BOC: variants seen among roughly 807,000 people sequenced by gnomAD.
The protein encoded by BOC is BOC cell adhesion associated, oncogene regulated, also known as brother of CDO.
BOC carries 76 observed loss-of-function variants against 112.0 expected under a neutral mutation model. The observed-to-expected ratio is 0.68, with a 90% CI of 0.56 to 0.82. The LOEUF is 0.82. BOC is among the 40% of genes least tolerant of loss of function. BOC has a pLI of 0.00. For synonymous variants in BOC, 580 were observed against 599.8 expected, an observed-to-expected ratio of 0.97 and a Z score of 0.48; for missense variants, 1,309 against 1,511.7, an observed-to-expected ratio of 0.87 and a Z score of 2.22.
intron 4 of BOC, among the ~76,000 whole-genome samples, chr3:113,265,919 G>A (rs1390737875): frequency 6.6e-6 from 1 of 152,220 alleles, no homozygotes; most frequent in Non-Finnish European, 1.5e-5. Flanking sequence ...GATTTAGAAA[G>A]CATTTGCTGT....
Position 113,249,893 on chromosome 3 carries a change from G to C in BOC, c.91G>C (p.Asp31His). 1.9e-6 allele frequency: 3 copies of C among 1,613,358 alleles called. No homozygotes were observed. In the Middle Eastern group the frequency reaches 4.9e-4, roughly 266 times the overall value. ...LLLATAGCFA[D>H]LNEVPQVTVQ... ...CCTAGCCACAGCAGGCTGCTTTGCT[G>C]ACTTGAGTGAGTGCTTTCCTTCCCT... The change falls in exon 3 of 20, where the codon GAC becomes CAC. Residue 31 changes from aspartate to histidine, a missense_variant. Asp to His is a moderately conservative substitution (Grantham distance 81). Coordinates refer to ENST00000682979, the MANE Select transcript of BOC (RefSeq NM_001378074.1).
At chr3:113,228,186 T>C (rs1008136468) in intron 2 of BOC, among the ~76,000 whole-genome samples, 2 of 152,216 alleles carry the variant, frequency 1.3e-5, no homozygotes, top group African/African-American at 4.8e-5. Flanking sequence ...AGGCAAGTGA[T>C]TTCATGAGAC....
chr3:113,239,266 G>A (rs907625791), intron 2 of BOC, among the ~76,000 whole-genome samples: 2 of 152,098 alleles, frequency 1.3e-5, no homozygotes, highest in Non-Finnish European at 2.9e-5. Context: ...TTATATTTCT[G>A]TTGGACAACA....
At chr3:113,245,070 A>T (rs914288467) in intron 2 of BOC, among the ~76,000 whole-genome samples, 12 of 152,098 alleles carry the variant, frequency 7.9e-5, no homozygotes, top group African/African-American at 2.9e-4. Flanking sequence ...CACTCAAAAC[A>T]CATTAGGCAT....
chr3:113,284,647 C>T, intron 17 of BOC, 80 bp downstream of exon 17: 1 of 1,523,974 alleles, frequency 6.6e-7, no homozygotes, highest in South Asian at 1.2e-5. Context: ...GGCCTCCTCC[C>T]TCCTAGGGTC....
At chr3:113,276,090 A>G (rs35341359) in intron 9 of BOC, among the ~76,000 whole-genome samples, 23,370 of 152,154 alleles carry the variant, frequency 0.15, 1,855 homozygotes, top group Middle Eastern at 0.18. Context: ...TCCTAATCCT[A>G]TTTCCCCATG....
At chr3:113,230,582 GT>G (rs755993158) in intron 2 of BOC, among the ~76,000 whole-genome samples, 2 of 152,194 alleles carry the variant, frequency 1.3e-5, no homozygotes, top group Non-Finnish European at 2.9e-5. Context: ...TCATATAGTT[GT>G]TTAGTAGTTA....
intron 2 of BOC, among the ~76,000 whole-genome samples, chr3:113,232,840 A>T (rs1942839396): frequency 6.6e-6 from 1 of 152,214 alleles, no homozygotes; most frequent in African/African-American, 2.4e-5. Flanking sequence ...ACTTAGTGCC[A>T]GTCATTGTTA....
intron 1 of BOC, among the ~76,000 whole-genome samples, chr3:113,215,467 T>C (rs1477678498): frequency 6.6e-6 from 1 of 152,202 alleles, no homozygotes. Flanking sequence ...CCTACATCTC[T>C]ACTGCCACCC....
chr3:113,285,382 T>A lies in BOC; in HGVS notation c.2977T>A (p.Ser993Thr). Residue 993 changes from serine (S) to threonine (T), a missense_variant, in exon 19 of 20, where the codon TCT becomes ACT. Physicochemically the swap from Ser to Thr is moderately conservative, Grantham distance 58. Transcript: ENST00000682979. ...QSHQITRGPK[S>T]SPDEGSFLYT... ...GCTTGTGCACTGCAGGGGTCCCAAG[T>A]CTAGCCCGGACGAGGGCTCTTTCTT... is the stretch of plus-strand genomic sequence containing the variant. 1 of 1,612,896 alleles carries A rather than the reference T, an allele frequency of 6.2e-7. No individual in the cohort carries two copies. Among genetic ancestry groups the A allele is most frequent in the Non-Finnish European group, 8.5e-7 (1 of 1,179,840 alleles).
At chr3:113,266,755 C>T (rs1194721770) in intron 4 of BOC, among the ~76,000 whole-genome samples, 8 of 152,218 alleles carry the variant, frequency 5.3e-5, no homozygotes, top group Non-Finnish European at 7.3e-5. Flanking sequence ...GTCCACGCCC[C>T]TAAAGAGTTC....
At chr3:113,244,923 A>G (rs1268806556) in intron 2 of BOC, among the ~76,000 whole-genome samples, 1 of 152,232 alleles carries the variant, frequency 6.6e-6, no homozygotes, top group Non-Finnish European at 1.5e-5. Flanking sequence ...GCTAGGAGGT[A>G]GTGTTAAGAT....
At chr3:113,254,494 T>C (rs1946011569) in intron 4 of BOC, among the ~76,000 whole-genome samples, 1 of 152,214 alleles carries the variant, frequency 6.6e-6, no homozygotes, top group African/African-American at 2.4e-5. Flanking sequence ...ATTAAGTTTC[T>C]GAAAGCACAT....
At chr3:113,285,351 A>G (rs954558740) in intron 18 of BOC, 21 bp from the exon 19 acceptor site, 5 of 1,609,714 alleles carry the variant, frequency 3.1e-6, no homozygotes, top group Non-Finnish European at 2.5e-6. Context: ...CCACCTCCCC[A>G]TCTGGGCTTG....
rs762731781 is a variant in BOC, at chr3:113,249,827, TG to T, written c.27del (p.Trp9Ter). On this transcript the variant is annotated frameshift_variant, in exon 3 of 20. Transcript: ENST00000682979. LOFTEE classifies it high-confidence loss of function. ...CATGCTGCGTGGGACGATGACGGCG[TG>T]GAGAGGAATGAGGCCTGAGGTCACA... MLRGTMTAWRGMRPEVTLA... is the reference protein window; with the variant it reads MLRGTMTAXRGMRPEVTLA... 3.1e-6 allele frequency: 5 copies of T among 1,613,138 alleles called. No individual in the cohort carries two copies. Among genetic ancestry groups the T allele is most frequent in the Non-Finnish European group, 8.5e-7 (1 of 1,179,792 alleles).
At position 113,250,754 on chromosome 3, in the gene BOC, C is replaced by T. The variant is rs751346434; in HGVS notation, c.297C>T (p.His99=). ...TCGTCATCACTGCCCTTAACAACCACACTGTGGGACGGTACCAGTGTGTGG... is the reference window on the plus strand; with the variant it reads ...TCGTCATCACTGCCCTTAACAACCATACTGTGGGACGGTACCAGTGTGTGG... ...GTLVITALNN[H]TVGRYQCVAR... The change falls in exon 4 of 20, where the codon CAC becomes CAT. Residue 99 remains histidine (H), a synonymous_variant. Transcript: ENST00000682979. 17 of 1,614,052 alleles carry T rather than the reference C, an allele frequency of 1.1e-5. No homozygotes were observed. In the South Asian group the frequency reaches 1.4e-4, roughly 14 times the overall value.
rs540266750 is a variant in BOC at position 113,218,244 on chromosome 3, C to G, written c.-82+1970C>G. Among the ~76,000 whole-genome samples the G allele has an allele frequency of 1.1e-4, 16 of 152,338 alleles. No homozygotes were observed. In the East Asian group the frequency reaches 1.9e-3, roughly 18 times the overall value. On this transcript the variant is annotated intron_variant, in intron 2 of 19. Transcript: ENST00000682979. ...TGGACTTCGGAAGAGAGCCCTCCCC[C>G]ACCTTCCCTGGCTCTGCCAGTATTT...
Position 113,281,148 on chromosome 3 carries a change from C to T in BOC, c.2429C>T (p.Thr810Ile). The T allele has an allele frequency of 6.2e-7, 1 of 1,614,008 alleles. No homozygotes were observed. ...SEFSNVMICE[T>I]KARKSSGQPG... ...TTCAGCAACGTGATGATCTGTGAGA[C>T]CAAAGGTGAAGCTCTTTGGGTTCTC... The change falls in exon 15 of 20, where the codon ACC becomes ATC. Residue 810 changes from threonine to isoleucine, a missense_variant. By Grantham distance (89) the Thr-to-Ile change is moderately conservative. Coordinates refer to ENST00000682979, the MANE Select transcript of BOC (RefSeq NM_001378074.1).
chr3:113,272,414 C>T lies in BOC; in HGVS notation c.672C>T (p.Ser224=), dbSNP rs2107659760. The change falls in exon 7 of 20, where the codon TCC becomes TCT. Residue 224 remains serine, a synonymous_variant. Coordinates refer to ENST00000682979, the MANE Select transcript of BOC (RefSeq NM_001378074.1). ...TTGCCCTCCTTGCCCCTCCAGGCTC[C>T]ACCGCTGAGGCTGCCCGCATCATCT... ...GSSDRLRVRR[S]TAEAARIIYP... is the part of the protein sequence containing the mutation. The T allele has an allele frequency of 6.2e-7, 1 of 1,613,056 alleles. No homozygotes were observed. Among genetic ancestry groups the T allele is most frequent in the East Asian group, 2.2e-5 (1 of 44,838 alleles).
Sources: gnomAD v4.1 joint callset for allele counts (sites outside exome capture counted in the v4.1 genomes callset) on GRCh38, gnomAD v4.1.1 for gene constraint, MANE v1.5 for transcripts, NCBI Gene and HGNC (gene_info 2026-07-23, HGNC 2026-07-21) for gene names.